Variants in SHISA9 observed in about 807,000 individuals in gnomAD.
SHISA9 encodes the protein protein shisa-9.
A neutral mutation model predicts 38.0 loss-of-function variants in SHISA9; 13 were observed. That is an observed-to-expected ratio of 0.34 (90% CI 0.22 to 0.54). The LOEUF (loss-of-function observed/expected upper bound fraction) is 0.54. Among genes scored for constraint, SHISA9 ranks in the 20% least tolerant of loss-of-function variants. The pLI, the probability that SHISA9 is intolerant of heterozygous loss-of-function variation, is 0.91. For synonymous variants in SHISA9, 275 were observed against 242.0 expected (o/e 1.14, Z -1.27); for missense variants, 538 against 575.8 (o/e 0.93, Z 0.67).
chr16:13,482,539 C>G, the SHISA9 span, among the ~76,000 whole-genome samples: 1 of 152,204 alleles, frequency 6.6e-6, no homozygotes, highest in African/African-American at 2.4e-5. Flanking sequence ...GTGGCTCATG[C>G]CTGTAATCCT....
At chr16:13,015,853 C>CCTTTCTTTCTTTCTTTCTTTCTTTCTTT (rs201249295) in intron 2 of SHISA9, among the ~76,000 whole-genome samples, 13 of 98,628 alleles carry the variant, frequency 1.3e-4, no homozygotes, top group East Asian at 8.9e-4. Context: ...TCTTTCTTTC[C>CCTTTCTTTCTTTCTTTCTTTCTTTCTTT]CTTTCTTTCT....
At chr16:12,912,985 C>T (rs528034791) in intron 1 of SHISA9, among the ~76,000 whole-genome samples, 4 of 152,230 alleles carry the variant, frequency 2.6e-5, no homozygotes, top group African/African-American at 7.2e-5. Context: ...GTTCAAGGCC[C>T]ATCTCCAGTG....
chr16:13,458,113 C>G, the SHISA9 span, among the ~76,000 whole-genome samples: 1 of 152,118 alleles, frequency 6.6e-6, no homozygotes, highest in African/African-American at 2.4e-5. Flanking sequence ...TTGTATACAC[C>G]ATGCTAGGCA....
intron 2 of SHISA9, among the ~76,000 whole-genome samples, chr16:13,131,459 C>A (rs1308802867): frequency 6.6e-6 from 1 of 151,796 alleles, no homozygotes; most frequent in Non-Finnish European, 1.5e-5. Flanking sequence ...CACACTGGGG[C>A]CTGTTGTAGA....
chr16:13,140,469 A>G (rs2050392572), intron 2 of SHISA9, among the ~76,000 whole-genome samples: 1 of 152,004 alleles, frequency 6.6e-6, no homozygotes, highest in Non-Finnish European at 1.5e-5. Context: ...CAGCCACTGC[A>G]CCTGGCCAAT....
intron 2 of SHISA9, among the ~76,000 whole-genome samples, chr16:13,009,610 T>C (rs1470364462): frequency 6.6e-6 from 1 of 152,204 alleles, no homozygotes; most frequent in Admixed American, 6.5e-5. Context: ...TTCTCTTCTG[T>C]AGCTTTACTG....
the SHISA9 span, among the ~76,000 whole-genome samples, chr16:13,400,334 C>G: frequency 6.7e-6 from 1 of 149,650 alleles, no homozygotes; most frequent in African/African-American, 2.5e-5. Context: ...TTACTTTATT[C>G]TCTTCCCTGT....
At chr16:13,065,322 AC>A (rs1190128387) in intron 2 of SHISA9, among the ~76,000 whole-genome samples, 1 of 150,812 alleles carries the variant, frequency 6.6e-6, no homozygotes, top group African/African-American at 2.4e-5. Context: ...CCATCTCCTT[AC>A]CCCTATGTGA....
intron 1 of SHISA9, among the ~76,000 whole-genome samples, chr16:12,907,058 TTCCCTCCC>T (rs2071107355): frequency 9.1e-6 from 1 of 109,550 alleles, no homozygotes; most frequent in Non-Finnish European, 1.9e-5. Flanking sequence ...CCTTCCCTCC[TTCCCTCCC>T]TCCCTTCCTC....
chr16:13,110,527 GGTCCC>G (rs1250847910), intron 2 of SHISA9, among the ~76,000 whole-genome samples: 1 of 152,206 alleles, frequency 6.6e-6, no homozygotes, highest in East Asian at 1.9e-4. Context: ...TTTGAGAAAT[GGTCCC>G]TTTTCAGCCT....
chr16:13,301,749 G>A, the SHISA9 span, among the ~76,000 whole-genome samples: 2 of 152,168 alleles, frequency 1.3e-5, no homozygotes, highest in East Asian at 3.9e-4. Flanking sequence ...GAATGAAGTT[G>A]GGAGGAGAGG....
chr16:13,116,530 G>A (rs2074032335), intron 2 of SHISA9, among the ~76,000 whole-genome samples: 1 of 152,188 alleles, frequency 6.6e-6, no homozygotes, highest in Non-Finnish European at 1.5e-5. Flanking sequence ...GGGACAGTGA[G>A]CAGGACACTG....
chr16:13,085,956 A>T (rs955058075), intron 2 of SHISA9, among the ~76,000 whole-genome samples: 1 of 152,230 alleles, frequency 6.6e-6, no homozygotes, highest in African/African-American at 2.4e-5. Context: ...ATCAAAGAGA[A>T]TTTTTTTAAA....
At chr16:13,042,267 C>G (rs915078809) in intron 2 of SHISA9, among the ~76,000 whole-genome samples, 1 of 152,180 alleles carries the variant, frequency 6.6e-6, no homozygotes, top group African/African-American at 2.4e-5. Flanking sequence ...AGAAGGCACT[C>G]GTTACCTGCC....
At chr16:13,550,483 C>CT in the SHISA9 span, among the ~76,000 whole-genome samples, 492 of 152,312 alleles carry the variant, frequency 3.2e-3, 5 homozygotes, top group East Asian at 0.017. Flanking sequence ...AGTGGCAACT[C>CT]TTAACCATAG....
At chr16:13,499,008 G>A in the SHISA9 span, among the ~76,000 whole-genome samples, 315 of 152,314 alleles carry the variant, frequency 2.1e-3, 1 homozygote, top group African/African-American at 7.1e-3. Flanking sequence ...GACATAAGGT[G>A]AGAGGTCTGC....
the SHISA9 span, among the ~76,000 whole-genome samples, chr16:13,532,548 C>CATGT: frequency 3.7e-5 from 3 of 80,668 alleles, no homozygotes; most frequent in Non-Finnish European, 2.5e-5. Context: ...ATACTATGTG[C>CATGT]GTGTGTGTAT....
chr16:13,033,825 T>C (rs114271957), intron 2 of SHISA9, among the ~76,000 whole-genome samples: 100 of 152,240 alleles, frequency 6.6e-4, no homozygotes, highest in African/African-American at 2.3e-3. Flanking sequence ...CAGCCCATGA[T>C]TGGAAAAATG....
At chr16:13,348,544 T>C in the SHISA9 span, among the ~76,000 whole-genome samples, 4 of 151,834 alleles carry the variant, frequency 2.6e-5, no homozygotes, top group Non-Finnish European at 5.9e-5. Context: ...GTCGAGCTGA[T>C]GCCTGGTGCC....
Sources: allele counts gnomAD v4.1 joint callset (sites outside exome capture counted in the v4.1 genomes callset), GRCh38; gene constraint gnomAD v4.1.1; transcripts MANE v1.5; gene names NCBI Gene and HGNC (gene_info 2026-07-23, HGNC 2026-07-21).